The following TOP3A variants were observed in gnomAD, a reference collection of about 807,000 sequenced individuals.
The protein encoded by TOP3A is DNA topoisomerase III alpha, also known as DNA topoisomerase 3-alpha.
In TOP3A, 64 loss-of-function variants were observed where a neutral mutation model predicts 111.3. That is an observed-to-expected ratio of 0.57 (90% CI 0.47 to 0.71). The LOEUF (loss-of-function observed/expected upper bound fraction) is 0.71. TOP3A is among the 30% of genes least tolerant of loss of function. The pLI, the probability that TOP3A is intolerant of heterozygous loss-of-function variation, is 0.00. For missense variants in TOP3A, 1,104 were observed against 1,285.0 expected (o/e 0.86, Z 2.15); for synonymous variants, 484 against 485.1 (o/e 1.00, Z 0.03).
At chr17:18,287,760 C>T (rs1980197321) in intron 13 of TOP3A, among the ~76,000 whole-genome samples, 1 of 151,942 alleles carries the variant, frequency 6.6e-6, no homozygotes, top group Non-Finnish European at 1.5e-5. Context: ...TTTGGGAGGC[C>T]TAGGTGGGCG....
At chr17:18,307,026 A>C (rs888578323) in intron 3 of TOP3A, 60 bp from the exon 4 acceptor site, 8 of 1,234,722 alleles carry the variant, frequency 6.5e-6, no homozygotes, top group Non-Finnish European at 9.4e-6. Context: ...CCTCCAATCT[A>C]ATGACAGCAA....
chr17:18,298,150 C>G (rs1980961057), intron 9 of TOP3A, among the ~76,000 whole-genome samples: 1 of 151,548 alleles, frequency 6.6e-6, no homozygotes, highest in Admixed American at 6.6e-5. Flanking sequence ...TGCCTGGCAA[C>G]CACCCCGTCT....
Position 18,292,793 on chromosome 17 carries a change from A to G in TOP3A, c.1133T>C (p.Val378Ala). 2 of 1,613,912 alleles carry G rather than the reference A, an allele frequency of 1.2e-6. No homozygotes were observed. Among genetic ancestry groups the G allele is most frequent in the South Asian group, 2.2e-5 (2 of 91,048 alleles). ...ATCGGGGGTCTGCTGTTCCACCAAC[A>G]CCGTCAGGTTTAAGTCTCTGGGAAA... The part of the protein sequence containing the change: ...NIFPRDLNLT[V>A]LVEQQTPDPR... The change falls in exon 11 of 19, where the codon GTG becomes GCG. Residue 378 changes from valine to alanine, a missense_variant. Val to Ala is a moderately conservative substitution (Grantham distance 64). Transcript: ENST00000321105.
Position 18,272,571 on chromosome 17 carries a change from T to C in TOP3A, c.*2231A>G, listed in dbSNP as rs886087163. On this transcript the variant is annotated 3_prime_UTR_variant, in exon 19 of 19. Transcript: ENST00000321105. The stretch of plus-strand genomic sequence containing the variant: ...ATAATCGTGTGGTATATTCATACAG[T>C]GGGCTATCAGCTTATCATAAACATC... Among the ~76,000 whole-genome samples, 1 of 152,218 alleles carries C rather than the reference T, an allele frequency of 6.6e-6. No individual in the cohort carries two copies. The highest frequency in any genetic ancestry group is 1.5e-5 in the Non-Finnish European group (1 of 68,040).
chr17:18,301,151 G>A (rs539497318), intron 8 of TOP3A, among the ~76,000 whole-genome samples: 2 of 152,280 alleles, frequency 1.3e-5, no homozygotes, highest in Admixed American at 6.5e-5. Context: ...TAGAGAGCTC[G>A]GAATTTTACT....
chr17:18,314,847 C>A lies in TOP3A; in HGVS notation c.-69G>T, dbSNP rs557157452. The A allele has an allele frequency of 4.2e-5, 50 of 1,188,602 alleles. No homozygotes were observed. In the East Asian group the frequency reaches 1.6e-3, roughly 37 times the overall value. 73.6% of individuals were successfully genotyped at this position (1,188,602 alleles called of 1,614,324 possible). A position where few individuals can be genotyped will look rare whatever the true frequency, so the allele number is the denominator to read the frequency against. ...TCCTGGGGAAGCCAGAGATGAGGCT[C>A]AAATGGCGCCCACCGAAAGGGAACC... is the stretch of plus-strand genomic sequence containing the variant. On this transcript the variant is annotated 5_prime_UTR_variant, in exon 1 of 19. Transcript: ENST00000321105.
intron 1 of TOP3A, chr17:18,313,203 G>A (rs986613841): frequency 6.5e-6 from 1 of 153,346 alleles, no homozygotes. Flanking sequence ...GACTTCGTGA[G>A]AATGCATACT....
intron 2 of TOP3A, 54 bp downstream of exon 2, chr17:18,308,828 G>A (rs368148905): frequency 8.2e-7 from 1 of 1,216,186 alleles, no homozygotes; most frequent in East Asian, 2.5e-5. Flanking sequence ...TGACGAGGCT[G>A]ACTACTTTCT....
At chr17:18,307,482 C>G (rs910151599) in intron 3 of TOP3A, 4 of 152,872 alleles carry the variant, frequency 2.6e-5, no homozygotes, top group Admixed American at 6.5e-5. Context: ...CCTGTAGTCC[C>G]AGCTACTCGG....
intron 4 of TOP3A, among the ~76,000 whole-genome samples, chr17:18,305,486 A>ACACACACGCG (rs1164323613): frequency 2.7e-5 from 4 of 149,414 alleles, no homozygotes; most frequent in African/African-American, 9.9e-5. Context: ...ACACACACAC[A>ACACACACGCG]CGCGCGCGCG....
intron 2 of TOP3A, 24 bp from the exon 3 acceptor site, chr17:18,308,448 T>C (rs1339927299): frequency 1.3e-6 from 2 of 1,518,908 alleles, no homozygotes; most frequent in Non-Finnish European, 1.8e-6. Context: ...AAATTCAAAA[T>C]TCAGTTAGTC....
chr17:18,294,541 G>C (rs989709583), intron 10 of TOP3A, among the ~76,000 whole-genome samples, 162 bp downstream of exon 10: 1 of 152,090 alleles, frequency 6.6e-6, no homozygotes, highest in Non-Finnish European at 1.5e-5. Context: ...TGTTGGCCAG[G>C]ATGGTCTTGA....
At chr17:18,297,421 G>GCCCTGT (rs1215870545) in intron 9 of TOP3A, among the ~76,000 whole-genome samples, 37 of 133,386 alleles carry the variant, frequency 2.8e-4, no homozygotes, top group East Asian at 1.4e-3. Context: ...GCGAAACTGC[G>GCCCTGT]CCCTGTCCCT....
intron 1 of TOP3A, among the ~76,000 whole-genome samples, chr17:18,309,772 T>A (rs71367442): frequency 6.9e-6 from 1 of 144,356 alleles, no homozygotes; most frequent in Admixed American, 6.9e-5. Flanking sequence ...TCCAGTGGCG[T>A]GATCTCGGCT....
At chr17:18,279,264 T>C (rs551044094) in intron 17 of TOP3A, among the ~76,000 whole-genome samples, 1 of 149,672 alleles carries the variant, frequency 6.7e-6, no homozygotes, top group Non-Finnish European at 1.5e-5. Context: ...ATTATTAAAA[T>C]TTTTTTTTTT....
intron 16 of TOP3A, among the ~76,000 whole-genome samples, chr17:18,282,038 T>A (rs945123246): frequency 3.9e-5 from 6 of 152,112 alleles, no homozygotes; most frequent in Non-Finnish European, 7.4e-5. Context: ...CCCCTCCACC[T>A]CGTCTTTCCC....
Position 18,314,787 on chromosome 17 carries a change from C to G in TOP3A, c.-9G>C. ...GCGACAGGAAAGATCATCCTCAGAC[C>G]TCGCGCCCGGAGCCGCTCCCCGGCT... On this transcript the variant is annotated 5_prime_UTR_variant, in exon 1 of 19. Transcript: ENST00000321105. 1 of 1,510,042 alleles carries G rather than the reference C, an allele frequency of 6.6e-7. No homozygotes were observed. The highest frequency in any genetic ancestry group is 8.9e-7 in the Non-Finnish European group (1 of 1,124,344). The allele number at this position is 1,510,042 out of a possible 1,614,324, so 93.5% of individuals were successfully genotyped here.
intron 9 of TOP3A, 132 bp downstream of exon 9, chr17:18,299,427 T>A: frequency 1.2e-6 from 1 of 801,454 alleles, no homozygotes; most frequent in South Asian, 1.4e-5. Context: ...CGTGTCTTTC[T>A]CCAGTGTTTT....
rs1980562493 is a variant in TOP3A, at chr17:18,292,784, T to C, written c.1142A>G (p.Glu381Gly). 6.2e-7 allele frequency: 1 copy of C among 1,614,000 alleles called. No homozygotes were observed. The highest frequency in any genetic ancestry group is 8.5e-7 in the Non-Finnish European group (1 of 1,179,996). The change falls in exon 11 of 19, where the codon GAA becomes GGA. Residue 381 changes from glutamate (E) to glycine (G), a missense_variant. Physicochemically the swap from Glu to Gly is moderately conservative, Grantham distance 98. Coordinates refer to ENST00000321105, the MANE Select transcript of TOP3A (RefSeq NM_004618.5). ...CCAGCGTGGATCGGGGGTCTGCTGT[T>C]CCACCAACACCGTCAGGTTTAAGTC... ...PRDLNLTVLV[E>G]QQTPDPRWGA...
Sources: gnomAD v4.1 joint callset for allele counts (sites outside exome capture counted in the v4.1 genomes callset) on GRCh38, gnomAD v4.1.1 for gene constraint, MANE v1.5 for transcripts, NCBI Gene and HGNC (gene_info 2026-07-23, HGNC 2026-07-21) for gene names.